Variants in PITPNM2 observed in about 807,000 individuals in gnomAD.
PITPNM2 encodes phosphatidylinositol transfer protein membrane associated 2, also known as membrane-associated phosphatidylinositol transfer protein 2.
PITPNM2 carries 35 observed loss-of-function variants against 132.2 expected under a neutral mutation model. The ratio of observed to expected loss-of-function variants is 0.26; its 90% CI spans 0.20 to 0.35. The LOEUF is 0.35. PITPNM2 is among the 10% of genes least tolerant of loss of function. The probability of loss-of-function intolerance (pLI) is 1.00; values close to 1 mark genes in which losing one functional copy is unlikely to be tolerated. For synonymous variants in PITPNM2, 738 were observed against 799.2 expected (o/e 0.92, Z 1.29); for missense variants, 1,332 against 1,912.0 (o/e 0.70, Z 5.66).
In PITPNM2 at chr12:123,001,178, A is replaced by AC; in HGVS notation, c.1049-21dup. On this transcript the variant is annotated intron_variant, in intron 8 of 25. Transcript: ENST00000320201. The stretch of plus-strand genomic sequence containing the variant: ...GGTCCTCTGGAGAGGAGAGAGGGAA[A>AC]CTCAGGTGGGACTGGGAACGCTGGG... The AC allele has an allele frequency of 6.2e-7, 1 of 1,600,488 alleles. No individual in the cohort carries two copies. Among genetic ancestry groups the AC allele is most frequent in the Middle Eastern group, 1.7e-4 (1 of 6,018 alleles).
intron 2 of PITPNM2, among the ~76,000 whole-genome samples, chr12:123,048,466 G>A (rs1182256762): frequency 6.6e-6 from 1 of 150,498 alleles, no homozygotes; most frequent in African/African-American, 2.4e-5. Context: ...ACTGCGGACT[G>A]CAGTGGCGCA....
At chr12:123,103,536 C>T (rs1293863571) in intron 2 of PITPNM2, among the ~76,000 whole-genome samples, 4 of 152,218 alleles carry the variant, frequency 2.6e-5, no homozygotes, top group Admixed American at 6.5e-5. Flanking sequence ...TGCTGGCCAG[C>T]GGAGGCTGGG....
At chr12:123,046,724 G>A (rs2040670669) in intron 2 of PITPNM2, among the ~76,000 whole-genome samples, 1 of 151,526 alleles carries the variant, frequency 6.6e-6, no homozygotes, top group Admixed American at 6.6e-5. Context: ...TTTTTCACTT[G>A]GCATCATGTT....
chr12:122,987,178 C>A, intron 23 of PITPNM2, 103 bp downstream of exon 23: 2 of 1,510,304 alleles, frequency 1.3e-6, no homozygotes, highest in Non-Finnish European at 9.0e-7. Context: ...CCGAGCCAGG[C>A]GTCCCCCACA....
chr12:123,143,481 C>T (rs1264698720), intron 1 of PITPNM2, among the ~76,000 whole-genome samples: 3 of 152,174 alleles, frequency 2.0e-5, no homozygotes, highest in African/African-American at 7.2e-5. Context: ...GACGTACGTA[C>T]GAACTCTTAA....
intron 16 of PITPNM2, chr12:122,991,850 A>T: frequency 7.7e-7 from 1 of 1,306,752 alleles, no homozygotes; most frequent in Non-Finnish European, 9.7e-7. Context: ...GAGAGGGGCC[A>T]GGGGGCCGCC....
intron 1 of PITPNM2, among the ~76,000 whole-genome samples, chr12:123,132,986 C>T (rs772704958): frequency 3.3e-5 from 5 of 152,158 alleles, no homozygotes; most frequent in Non-Finnish European, 5.9e-5. Flanking sequence ...ACCTTTTGGC[C>T]GCTGAGAACA....
chr12:123,006,379 A>G (rs575270372), intron 6 of PITPNM2, among the ~76,000 whole-genome samples: 1 of 152,104 alleles, frequency 6.6e-6, no homozygotes, highest in African/African-American at 2.4e-5. Context: ...AGAATAAAGT[A>G]AAGAATATAT....
intron 3 of PITPNM2, among the ~76,000 whole-genome samples, chr12:123,017,285 T>C (rs747535472): frequency 9.9e-5 from 15 of 151,366 alleles, no homozygotes; most frequent in South Asian, 4.2e-4. Context: ...AGGCAGGAGA[T>C]TGCTTGAACC....
At position 123,082,171 on chromosome 12, in the gene PITPNM2, C is replaced by A. The variant is rs1428314293; in HGVS notation, c.-96+28214G>T. 6.6e-6 allele frequency among the ~76,000 whole-genome samples: 1 copy of A among 152,236 alleles called. No individual in the cohort carries two copies. Among genetic ancestry groups the A allele is most frequent in the East Asian group, 1.9e-4 (1 of 5,190 alleles). ...GCCTGCAGGCTCTGCCCTGCCACCT[C>A]TCCGCCCTGGCAAGGCCGTGGGCAA... On this transcript the variant is annotated intron_variant, in intron 2 of 25. Transcript: ENST00000320201. The surrounding 1 kb of genome is among the most constrained non-coding windows in gnomAD (Gnocchi z 5.4).
At chr12:123,050,588 G>C (rs2040825595) in intron 2 of PITPNM2, among the ~76,000 whole-genome samples, 1 of 152,166 alleles carries the variant, frequency 6.6e-6, no homozygotes, top group African/African-American at 2.4e-5. Flanking sequence ...AGAGCCAGAG[G>C]ACCTAGAGGA....
chr12:123,144,308 C>T (rs1159736101), intron 1 of PITPNM2, among the ~76,000 whole-genome samples: 2 of 152,172 alleles, frequency 1.3e-5, no homozygotes, highest in Non-Finnish European at 1.5e-5. Flanking sequence ...TTCTTGGGTG[C>T]AAGATGATTA....
rs2039114063 is a variant in PITPNM2, at chr12:123,009,979, G to A, written c.514C>T (p.Leu172=). ...FQSTKTQRGP[L]SENWIEEYKK... ...TACTCCTCGATCCAGTTCTCGGACA[G>A]GGGCCCCCGCTGGGTCTTGGTTGAC... The change falls in exon 6 of 26, where the codon CTG becomes TTG. Residue 172 remains leucine, a synonymous_variant. Coordinates refer to ENST00000320201, the MANE Select transcript of PITPNM2 (RefSeq NM_020845.3). This position sits in a 1 kb window ranked among gnomAD's most constrained non-coding sequence, Gnocchi z 4.8. The A allele has an allele frequency of 6.2e-7, 1 of 1,614,226 alleles. No homozygotes were observed. Among genetic ancestry groups the A allele is most frequent in the Non-Finnish European group, 8.5e-7 (1 of 1,180,034 alleles).
chr12:123,050,341 G>T (rs552102432), intron 2 of PITPNM2, among the ~76,000 whole-genome samples: 1 of 152,086 alleles, frequency 6.6e-6, no homozygotes, highest in East Asian at 1.9e-4. Context: ...CAACAATCTC[G>T]CTGGAAACTC....
At position 123,034,494 on chromosome 12, in the gene PITPNM2, C is replaced by T. The variant is rs1346856187; in HGVS notation, c.78+19G>A. The T allele has an allele frequency of 1.2e-6, 2 of 1,612,068 alleles. No homozygotes were observed. Among genetic ancestry groups the T allele is most frequent in the African/African-American group, 1.3e-5 (1 of 75,002 alleles). On this transcript the variant is annotated intron_variant, in intron 3 of 25. Transcript: ENST00000320201. ...CGACCCACCCTCACCCCATGACCCA[C>T]CCTTGCCCCACGACCCACCTGTATC...
rs2039680804 is a variant in PITPNM2 at position 123,021,781 on chromosome 12, C to T, written c.79-7739G>A. The T allele has an allele frequency of 4.6e-6, 4 of 869,344 alleles. No individual in the cohort carries two copies. The African/African-American group carries it at 5.5e-5, about 12-fold the overall frequency. The allele number at this position is 869,344 out of a possible 1,614,324, so 53.9% of individuals were successfully genotyped here. A position where few individuals can be genotyped will look rare whatever the true frequency, so the allele number is the denominator to read the frequency against. ...GTGGTTCAAATGTCTGGGTACAAAC[C>T]CTCCTCTTTTTCTTTCTTTCTGTGT... On this transcript the variant is annotated intron_variant, in intron 3 of 25. Transcript: ENST00000320201.
At chr12:123,018,675 T>C (rs1488533893) in intron 3 of PITPNM2, among the ~76,000 whole-genome samples, 2 of 152,098 alleles carry the variant, frequency 1.3e-5, no homozygotes, top group Non-Finnish European at 2.9e-5. Context: ...TCTCAAACTC[T>C]TGGCCTCAAG....
chr12:123,140,319 A>G (rs2043477643), intron 1 of PITPNM2, among the ~76,000 whole-genome samples: 1 of 152,122 alleles, frequency 6.6e-6, no homozygotes, highest in East Asian at 1.9e-4. Flanking sequence ...GACAGCAAGG[A>G]AAGTGGGCAC....
rs901123886 is a variant in PITPNM2 at position 123,009,683 on chromosome 12, C to T, written c.643+167G>A. Among the ~76,000 whole-genome samples, 1 of 152,154 alleles carries T rather than the reference C, an allele frequency of 6.6e-6. No homozygotes were observed. The highest frequency in any genetic ancestry group is 2.4e-5 in the African/African-American group (1 of 41,424). On this transcript the variant is annotated intron_variant, in intron 6 of 25. Transcript: ENST00000320201. The surrounding 1 kb of genome is among the most constrained non-coding windows in gnomAD (Gnocchi z 4.8). ...GATGTTCAAGATAACCCATGGCTGG[C>T]GGGTAGTGGGGAAGCTGGACATGGG...
Sources: gnomAD v4.1 joint callset for allele counts (sites outside exome capture counted in the v4.1 genomes callset) on GRCh38, gnomAD v4.1.1 for gene constraint, Gnocchi (gnomAD v3.1) non-coding constraint, MANE v1.5 for transcripts, NCBI Gene and HGNC (gene_info 2026-07-23, HGNC 2026-07-21) for gene names.